The following TACC2 variants were observed in gnomAD, a reference collection of about 807,000 sequenced individuals.
The protein encoded by TACC2 is transforming acidic coiled-coil containing protein 2, also known as transforming acidic coiled-coil-containing protein 2.
In TACC2, 137 loss-of-function variants were observed where a neutral mutation model predicts 227.3. The ratio of observed to expected loss-of-function variants is 0.60; its 90% CI spans 0.52 to 0.69. The LOEUF is 0.69. Ranked by LOEUF, TACC2 falls within the 30% of genes least tolerant of loss-of-function variation. The pLI, the probability that TACC2 is intolerant of heterozygous loss-of-function variation, is 0.00. For missense variants in TACC2, 3,470 were observed against 3,694.4 expected, an observed-to-expected ratio of 0.94 and a Z score of 1.57; for synonymous variants, 1,523 against 1,487.5, an observed-to-expected ratio of 1.02 and a Z score of -0.55.
At chr10:122,146,164 G>A (rs953865171) in intron 7 of TACC2, among the ~76,000 whole-genome samples, 2 of 152,114 alleles carry the variant, frequency 1.3e-5, no homozygotes, top group Admixed American at 6.5e-5. Flanking sequence ...CCAGGGAATC[G>A]ACTGAGAGCT....
chr10:122,027,608 A>G (rs890219303), intron 2 of TACC2, among the ~76,000 whole-genome samples: 2 of 152,164 alleles, frequency 1.3e-5, no homozygotes, highest in African/African-American at 4.8e-5. Context: ...TACTGTGGCT[A>G]TATAATAAGG....
chr10:122,250,095 T>C (rs2141940891), intron 22 of TACC2, among the ~76,000 whole-genome samples: 1 of 152,302 alleles, frequency 6.6e-6, no homozygotes, highest in East Asian at 1.9e-4. Context: ...CCAGGTGGCC[T>C]CTAATTCCAG....
At chr10:122,062,461 G>A (rs1238491763) in intron 3 of TACC2, among the ~76,000 whole-genome samples, 2 of 136,000 alleles carry the variant, frequency 1.5e-5, no homozygotes, top group African/African-American at 2.7e-5. Context: ...GCGCCACCAC[G>A]TCCGGCTAAT....
intron 2 of TACC2, among the ~76,000 whole-genome samples, chr10:122,040,686 A>G (rs559406859): frequency 3.5e-4 from 53 of 150,810 alleles, no homozygotes; most frequent in Non-Finnish European, 6.6e-4. Flanking sequence ...CACTTAAAAC[A>G]TATCATCATT....
chr10:122,164,186 G>T (rs1378147928), intron 7 of TACC2, among the ~76,000 whole-genome samples: 1 of 152,208 alleles, frequency 6.6e-6, no homozygotes, highest in Non-Finnish European at 1.5e-5. Flanking sequence ...ACTGCTGTGG[G>T]CAGAAACGAT....
chr10:122,087,910 C>CA lies in TACC2; in HGVS notation c.5411dup (p.His1804GlnfsTer16). On this transcript the variant is annotated frameshift_variant, in exon 4 of 23. Transcript: ENST00000369005. LOFTEE classifies it high-confidence loss of function. Reference sequence around the variant, plus strand: ...CTCACCTCCAGAGCCTGACGAAACTCACGACCCGAAGCTGCAACATTTGGC... The same window carrying CA: ...CTCACCTCCAGAGCCTGACGAAACTCAACGACCCGAAGCTGCAACATTTGGC... The CA allele has an allele frequency of 1.3e-6, 2 of 1,513,110 alleles. No homozygotes were observed. Among genetic ancestry groups the CA allele is most frequent in the Non-Finnish European group, 1.8e-6 (2 of 1,131,238 alleles). 93.7% of individuals were successfully genotyped at this position (1,513,110 alleles called of 1,614,324 possible).
chr10:122,235,033 C>T (rs2095831116), intron 16 of TACC2, among the ~76,000 whole-genome samples: 1 of 152,168 alleles, frequency 6.6e-6, no homozygotes. Context: ...AAAACACACA[C>T]ATTTGTTGAC....
rs1163967900 is a variant in TACC2, at chr10:122,194,954, A to G, written c.5835-86A>G. On this transcript the variant is annotated intron_variant, in intron 7 of 22. Coordinates refer to ENST00000369005, the MANE Select transcript of TACC2 (RefSeq NM_206862.4). The surrounding 1 kb of genome is among the most constrained non-coding windows in gnomAD (Gnocchi z 4.4). ...TTAACTGAGCAGCGAGCCAGAACCC[A>G]CTGGCTCTGGGTGCGAAGGCCACAC... is the stretch of plus-strand genomic sequence containing the variant. The G allele has an allele frequency of 1.4e-6, 2 of 1,414,698 alleles. No individual in the cohort carries two copies. Among genetic ancestry groups the G allele is most frequent in the Non-Finnish European group, 1.9e-6 (2 of 1,032,004 alleles). 87.6% of individuals were successfully genotyped at this position (1,414,698 alleles called of 1,614,324 possible).
intron 6 of TACC2, among the ~76,000 whole-genome samples, chr10:122,134,838 C>T (rs2089241750): frequency 6.6e-6 from 1 of 152,216 alleles, no homozygotes; most frequent in Non-Finnish European, 1.5e-5. Context: ...GGATGGCTCT[C>T]AGAGAGCTGC....
intron 2 of TACC2, among the ~76,000 whole-genome samples, chr10:122,035,852 G>A (rs1042477768): frequency 1.2e-4 from 18 of 151,034 alleles, no homozygotes; most frequent in Non-Finnish European, 1.0e-4. Flanking sequence ...TTATTCTGTC[G>A]CTGAGGATGG....
chr10:122,149,457 G>A (rs1296339165), intron 7 of TACC2, among the ~76,000 whole-genome samples: 2 of 152,176 alleles, frequency 1.3e-5, no homozygotes, highest in African/African-American at 4.8e-5. Context: ...CGGCTGTGGC[G>A]TTGGCTCTTC....
chr10:122,102,813 A>G (rs1469617742), intron 5 of TACC2, among the ~76,000 whole-genome samples: 1 of 152,206 alleles, frequency 6.6e-6, no homozygotes, highest in African/African-American at 2.4e-5. Flanking sequence ...GGCCACATCT[A>G]GAAATTCTGG....
intron 5 of TACC2, among the ~76,000 whole-genome samples, chr10:122,092,714 G>A (rs1204450400): frequency 1.3e-5 from 2 of 152,128 alleles, no homozygotes; most frequent in Non-Finnish European, 2.9e-5. Context: ...CACCCATGGG[G>A]GTCTGTGTGT....
intron 5 of TACC2, among the ~76,000 whole-genome samples, chr10:122,105,672 G>A (rs1019660249): frequency 6.6e-6 from 1 of 151,300 alleles, no homozygotes; most frequent in African/African-American, 2.4e-5. Flanking sequence ...CCAGGCTGGA[G>A]TGCAATGGCA....
At position 122,083,098 on chromosome 10, in the gene TACC2, A is replaced by G; in HGVS notation, c.598A>G (p.Met200Val). ...FSSGIDQSPG[M>V]SPVPLREPMK... Reference sequence around the variant, plus strand: ...CAGTGGCATCGACCAGTCACCTGGAATGTCGCCAGTACCCCTCAGAGAGCC... The same window carrying G: ...CAGTGGCATCGACCAGTCACCTGGAGTGTCGCCAGTACCCCTCAGAGAGCC... The change falls in exon 4 of 23, where the codon ATG (methionine) becomes GTG (valine). Residue 200 changes from methionine (M) to valine (V), a missense_variant. Coordinates refer to ENST00000369005, the MANE Select transcript of TACC2 (RefSeq NM_206862.4). 2 of 1,612,938 alleles carry G rather than the reference A, an allele frequency of 1.2e-6. No individual in the cohort carries two copies. Among genetic ancestry groups the G allele is most frequent in the Non-Finnish European group, 8.5e-7 (1 of 1,180,002 alleles).
rs1959182918 is a variant in TACC2 at position 122,033,253 on chromosome 10, T to C, written c.33+11239T>C. On this transcript the variant is annotated intron_variant, in intron 2 of 22. Coordinates refer to ENST00000369005, the MANE Select transcript of TACC2 (RefSeq NM_206862.4). ...GGTGTGTCATGTGCATTTATATATT[T>C]AGGTTTTCTCCTCCTCCCTCTTCCA... 5 of 787,042 alleles carry C rather than the reference T, an allele frequency of 6.4e-6. No homozygotes were observed. In the East Asian group the frequency reaches 3.3e-4, roughly 52 times the overall value. The allele number at this position is 787,042 out of a possible 1,614,324, so 48.8% of individuals were successfully genotyped here.
rs764537659 is a variant in TACC2, at chr10:122,237,385, G to A, written c.8128-10G>A. The A allele has an allele frequency of 3.8e-6, 6 of 1,590,650 alleles. No homozygotes were observed. In the East Asian group the frequency reaches 6.7e-5, roughly 18 times the overall value. ...AACTGTTTTTTTTTTAATTAAAAAC[G>A]ATTCCACAGAGAGAGGCTGCTCACC... On this transcript the variant is annotated splice_polypyrimidine_tract_variant and intron_variant, in intron 16 of 22. Transcript: ENST00000369005.
chr10:122,136,682 T>A (rs2089733123), intron 6 of TACC2, among the ~76,000 whole-genome samples: 1 of 151,870 alleles, frequency 6.6e-6, no homozygotes, highest in African/African-American at 2.4e-5. Flanking sequence ...GCCTCCTGAC[T>A]AGCTGGGATT....
At chr10:122,032,059 A>G (rs1959049319) in intron 2 of TACC2, among the ~76,000 whole-genome samples, 1 of 152,070 alleles carries the variant, frequency 6.6e-6, no homozygotes, top group African/African-American at 2.4e-5. Context: ...TGATTGTGTC[A>G]TGTACCCTCT....
Sources: gnomAD v4.1 joint callset for allele counts (sites outside exome capture counted in the v4.1 genomes callset) on GRCh38, gnomAD v4.1.1 for gene constraint, Gnocchi (gnomAD v3.1) non-coding constraint, MANE v1.5 for transcripts, NCBI Gene and HGNC (gene_info 2026-07-23, HGNC 2026-07-21) for gene names.